The following EPHA6 variants were observed in gnomAD, a reference collection of about 807,000 sequenced individuals.
EPHA6 encodes the protein ephrin type-A receptor 6.
EPHA6 carries 50 observed loss-of-function variants against 112.0 expected under a neutral mutation model. The ratio of observed to expected loss-of-function variants is 0.45; its 90% CI spans 0.36 to 0.56. EPHA6 has a LOEUF of 0.56. EPHA6 is among the 20% of genes least tolerant of loss of function. The pLI is 0.00. For synonymous variants in EPHA6, 529 were observed against 490.7 expected, an observed-to-expected ratio of 1.08 and a Z score of -1.03; for missense variants, 1,280 against 1,417.4, an observed-to-expected ratio of 0.90 and a Z score of 1.56.
chr3:97,545,794 G>A (rs1251897257), intron 11 of EPHA6, among the ~76,000 whole-genome samples: 1 of 152,178 alleles, frequency 6.6e-6, no homozygotes, highest in Non-Finnish European at 1.5e-5. Flanking sequence ...TCTTCTTGCT[G>A]AATTAATCCC....
chr3:97,525,714 G>A (rs1219849355), intron 10 of EPHA6, among the ~76,000 whole-genome samples: 1 of 152,172 alleles, frequency 6.6e-6, no homozygotes, highest in Non-Finnish European at 1.5e-5. Flanking sequence ...GGCATTGGAT[G>A]CAGGTCTTGT....
intron 3 of EPHA6, among the ~76,000 whole-genome samples, chr3:97,121,705 T>C (rs2108304240): frequency 6.6e-6 from 1 of 152,168 alleles, no homozygotes; most frequent in East Asian, 1.9e-4. Flanking sequence ...CAAGATTTAA[T>C]TTTTACTGAA....
At chr3:97,117,717 T>C (rs1463619001) in intron 3 of EPHA6, among the ~76,000 whole-genome samples, 3 of 151,852 alleles carry the variant, frequency 2.0e-5, no homozygotes, top group African/African-American at 7.2e-5. Flanking sequence ...TTGATTACTT[T>C]ATCTTTGAAT....
chr3:97,466,609 T>C (rs759946699), intron 7 of EPHA6: 9 of 637,262 alleles, frequency 1.4e-5, no homozygotes, highest in African/African-American at 7.4e-5. Flanking sequence ...AGTATTCTCA[T>C]GTATTTGCAA....
intron 7 of EPHA6, among the ~76,000 whole-genome samples, chr3:97,458,991 G>A (rs1473834113): frequency 6.6e-6 from 1 of 152,138 alleles, no homozygotes; most frequent in Non-Finnish European, 1.5e-5. Context: ...GTATAAGGGA[G>A]CACAAGGAGA....
chr3:97,551,531 A>T (rs1377859195), intron 11 of EPHA6, among the ~76,000 whole-genome samples: 6 of 152,034 alleles, frequency 3.9e-5, no homozygotes, highest in African/African-American at 1.4e-4. Context: ...TAATGTGTTG[A>T]CCTTTCTCCT....
intron 3 of EPHA6, among the ~76,000 whole-genome samples, chr3:97,152,057 A>G (rs1361668419): frequency 1.3e-5 from 2 of 152,042 alleles, no homozygotes; most frequent in Non-Finnish European, 2.9e-5. Context: ...ATTAAAGTCA[A>G]GAAATGTTAC....
At chr3:97,677,361 A>G (rs1454203473) in intron 14 of EPHA6, among the ~76,000 whole-genome samples, 1 of 152,150 alleles carries the variant, frequency 6.6e-6, no homozygotes, top group Non-Finnish European at 1.5e-5. Flanking sequence ...TGACAGGATC[A>G]ATGGATTCCT....
At chr3:96,972,120 G>T (rs763102414) in intron 2 of EPHA6, among the ~76,000 whole-genome samples, 1 of 151,978 alleles carries the variant, frequency 6.6e-6, no homozygotes, top group Admixed American at 6.6e-5. Flanking sequence ...ATTTAAAAAC[G>T]CATTTAGTCT....
chr3:97,175,209 G>A (rs187361077), intron 3 of EPHA6, among the ~76,000 whole-genome samples: 1 of 151,914 alleles, frequency 6.6e-6, no homozygotes, highest in East Asian at 1.9e-4. Flanking sequence ...TTAACTGTAG[G>A]TGTGTGGATT....
At chr3:96,836,486 T>A (rs2034422650) in intron 1 of EPHA6, among the ~76,000 whole-genome samples, 1 of 152,158 alleles carries the variant, frequency 6.6e-6, no homozygotes, top group Non-Finnish European at 1.5e-5. Flanking sequence ...TCAAAACGTT[T>A]TGAAAATTGT....
At chr3:96,890,801 C>G (rs2037911325) in intron 2 of EPHA6, among the ~76,000 whole-genome samples, 1 of 152,258 alleles carries the variant, frequency 6.6e-6, no homozygotes, top group South Asian at 2.1e-4. Context: ...TACACACATT[C>G]CCAGTCAGAT....
At chr3:96,863,465 A>T (rs1576174136) in intron 1 of EPHA6, among the ~76,000 whole-genome samples, 1 of 152,104 alleles carries the variant, frequency 6.6e-6, no homozygotes. Flanking sequence ...TTATTTTAAT[A>T]TTGAAATATA....
chr3:97,656,401 C>A (rs1472278493), intron 14 of EPHA6, among the ~76,000 whole-genome samples: 1 of 151,712 alleles, frequency 6.6e-6, no homozygotes, highest in East Asian at 1.9e-4. Flanking sequence ...ATACCTATTC[C>A]TCAGTGTCAC....
At chr3:97,183,516 A>T (rs1394431105) in intron 3 of EPHA6, among the ~76,000 whole-genome samples, 1 of 152,198 alleles carries the variant, frequency 6.6e-6, no homozygotes, top group Non-Finnish European at 1.5e-5. Context: ...TTTTGAAAGT[A>T]AAGGAACATC....
At chr3:96,879,372 C>T (rs971498571) in intron 2 of EPHA6, among the ~76,000 whole-genome samples, 3 of 152,020 alleles carry the variant, frequency 2.0e-5, no homozygotes, top group Admixed American at 6.6e-5. Context: ...CACACTTTTA[C>T]TGCATGAACT....
rs559605788 is a variant in EPHA6, at chr3:97,261,730, T to C, written c.1606+17443T>C. Reference sequence around the variant, plus strand: ...AAGATGTGGTGCAACCTTTATTCAATGGGATAAAGTCACAAAGCACTTCAT... The same window carrying C: ...AAGATGTGGTGCAACCTTTATTCAACGGGATAAAGTCACAAAGCACTTCAT... On this transcript the variant is annotated intron_variant, in intron 5 of 17. Coordinates refer to ENST00000389672, the MANE Select transcript of EPHA6 (RefSeq NM_001080448.3). Among the ~76,000 whole-genome samples the C allele has an allele frequency of 5.9e-5, 9 of 152,272 alleles. No individual in the cohort carries two copies. In the South Asian group the frequency reaches 1.0e-3, roughly 18 times the overall value.
At chr3:96,907,619 A>C (rs887710886) in intron 2 of EPHA6, among the ~76,000 whole-genome samples, 2 of 151,818 alleles carry the variant, frequency 1.3e-5, no homozygotes, top group African/African-American at 4.8e-5. Context: ...AAGAGATGTC[A>C]ATTTTTAGAA....
intron 5 of EPHA6, among the ~76,000 whole-genome samples, chr3:97,255,174 G>A (rs1333360494): frequency 6.6e-6 from 1 of 150,906 alleles, no homozygotes; most frequent in African/African-American, 2.5e-5. Flanking sequence ...GTGTGTGTGT[G>A]TGTGTGTTCA....
Sources: gnomAD v4.1 joint callset for allele counts (sites outside exome capture counted in the v4.1 genomes callset) on GRCh38, gnomAD v4.1.1 for gene constraint, MANE v1.5 for transcripts, NCBI Gene and HGNC (gene_info 2026-07-23, HGNC 2026-07-21) for gene names.